The following NAP1L1 variants were observed in gnomAD, a reference collection of about 807,000 sequenced individuals.
The protein encoded by NAP1L1 is nucleosome assembly protein 1-like 1.
A neutral mutation model predicts 58.9 loss-of-function variants in NAP1L1; 9 were observed. The observed-to-expected ratio is 0.15, with a 90% CI of 0.09 to 0.27. The LOEUF (loss-of-function observed/expected upper bound fraction) is 0.27. NAP1L1 is among the 10% of genes least tolerant of loss of function. The pLI is 1.00. For missense variants in NAP1L1, 302 were observed against 458.8 expected (o/e 0.66, Z 3.12); for synonymous variants, 130 against 138.3 (o/e 0.94, Z 0.42).
At chr12:76,073,894 T>C in intron 2 of NAP1L1, 1 of 250,710 alleles carries the variant, frequency 4.0e-6, no homozygotes, top group Admixed American at 5.2e-5. Context: ...CAGTAAATCT[T>C]TGGGAAATAT....
chr12:76,048,151 G>T lies in NAP1L1; in HGVS notation c.*278C>A. 2.6e-6 allele frequency: 1 copy of T among 388,144 alleles called. No homozygotes were observed. The highest frequency in any genetic ancestry group is 4.6e-6 in the Non-Finnish European group (1 of 218,280). The allele number at this position is 388,144 out of a possible 1,614,324, so 24.0% of individuals were successfully genotyped here. ...TTAACAGTTGTTAATTTTCATAGCTGTACTCCAAGAGCTACATAAAAATAT... is the reference window on the plus strand; with the variant it reads ...TTAACAGTTGTTAATTTTCATAGCTTTACTCCAAGAGCTACATAAAAATAT... On this transcript the variant is annotated 3_prime_UTR_variant, in exon 15 of 15. Coordinates refer to ENST00000618691, the MANE Select transcript of NAP1L1 (RefSeq NM_004537.7).
chr12:76,067,525 CTTTT>C (rs1565736744), intron 3 of NAP1L1, 52 bp from the exon 4 acceptor site: 3 of 1,423,502 alleles, frequency 2.1e-6, no homozygotes, highest in Non-Finnish European at 2.9e-6. Context: ...ATGTATTATG[CTTTT>C]TTAATAGGAC....
At chr12:76,052,964 G>T in intron 11 of NAP1L1, 127 bp downstream of exon 11, 2 of 737,884 alleles carry the variant, frequency 2.7e-6, no homozygotes, top group Non-Finnish European at 2.1e-6. Context: ...TATCCAAAAA[G>T]TCTGCCCCAT....
At chr12:76,048,864 C>T (rs1295934175) in intron 14 of NAP1L1, 2 of 409,940 alleles carry the variant, frequency 4.9e-6, no homozygotes, top group African/African-American at 4.1e-5. Context: ...CTCCCCAGTT[C>T]CCGAACACTC....
chr12:76,064,833 C>T (rs1029786180), intron 4 of NAP1L1, among the ~76,000 whole-genome samples: 13 of 151,864 alleles, frequency 8.6e-5, no homozygotes, highest in African/African-American at 2.4e-4. Flanking sequence ...TGGACCTCTA[C>T]TTCCCCAACT....
chr12:76,073,651 A>G (rs1265137812), intron 2 of NAP1L1, among the ~76,000 whole-genome samples: 1 of 152,214 alleles, frequency 6.6e-6, no homozygotes, highest in Non-Finnish European at 1.5e-5. Flanking sequence ...CAGATTTTCA[A>G]AATTAAACAC....
intron 4 of NAP1L1, among the ~76,000 whole-genome samples, chr12:76,065,843 G>A (rs1949638049): frequency 6.6e-6 from 1 of 151,862 alleles, no homozygotes; most frequent in African/African-American, 2.4e-5. Context: ...ATGATTGGGG[G>A]AGAAGTATGA....
At position 76,056,136 on chromosome 12, in the gene NAP1L1, A is replaced by G. The variant is rs746028914; in HGVS notation, c.455T>C (p.Ile152Thr). ...TTCTTCATCTTTTTTCTCATCTTCA[A>G]TCTTGGCCTTTTCTTTCAATTCCTC... ...ISEELKEKAK[I>T]EDEKKDEEKE... Residue 152 changes from isoleucine to threonine, a missense_variant, in exon 7 of 15, where the codon ATT becomes ACT. By Grantham distance (89) the Ile-to-Thr change is moderately conservative. Coordinates refer to ENST00000618691, the MANE Select transcript of NAP1L1 (RefSeq NM_004537.7). 1.8e-4 allele frequency: 285 copies of G among 1,611,926 alleles called. No individual in the cohort carries two copies. The highest frequency in any genetic ancestry group is 2.3e-4 in the Non-Finnish European group (277 of 1,179,200).
rs1948610835 is a variant in NAP1L1 at position 76,046,501 on chromosome 12, C to T, written c.*1928G>A. 6.6e-6 allele frequency: 1 copy of T among 150,952 alleles called. No homozygotes were observed. The highest frequency in any genetic ancestry group is 2.4e-5 in the African/African-American group (1 of 41,048). 9.4% of individuals were successfully genotyped at this position (150,952 alleles called of 1,614,324 possible). ...ATGAACTATGGTTAAAAAAAAAAAG[C>T]ACATAGTGTCTAATCAAAGCAAAGG... On this transcript the variant is annotated 3_prime_UTR_variant, in exon 15 of 15. Coordinates refer to ENST00000618691, the MANE Select transcript of NAP1L1 (RefSeq NM_004537.7).
intron 4 of NAP1L1, among the ~76,000 whole-genome samples, chr12:76,062,555 T>G (rs1001113558): frequency 7.9e-5 from 12 of 152,110 alleles, no homozygotes; most frequent in Admixed American, 5.2e-4. Flanking sequence ...AAGATTGACA[T>G]GCAACAAGAC....
In NAP1L1 at chr12:76,048,162, G is replaced by A. The variant is rs747651053; in HGVS notation, c.*267C>T. ...TAATTTTCATAGCTGTACTCCAAGAGCTACATAAAAATATTCCAGAAGAAC... is the reference window on the plus strand; with the variant it reads ...TAATTTTCATAGCTGTACTCCAAGAACTACATAAAAATATTCCAGAAGAAC... On this transcript the variant is annotated 3_prime_UTR_variant, in exon 15 of 15. Transcript: ENST00000618691. The A allele has an allele frequency of 2.4e-5, 10 of 421,732 alleles. No individual in the cohort carries two copies. Among genetic ancestry groups the A allele is most frequent in the Non-Finnish European group, 3.8e-5 (9 of 238,616 alleles). 26.1% of individuals were successfully genotyped at this position (421,732 alleles called of 1,614,324 possible).
At chr12:76,055,996 CT>C in intron 7 of NAP1L1, 36 bp downstream of exon 7, 3 of 1,604,334 alleles carry the variant, frequency 1.9e-6, no homozygotes, top group Non-Finnish European at 2.6e-6. Flanking sequence ...AAGGTTTACC[CT>C]TCAAAGTAAA....
rs1393711391 is a variant in NAP1L1 at position 76,040,107 on chromosome 12, G to A, written c.*8322C>T. The A allele has an allele frequency of 2.0e-5, 3 of 152,068 alleles. No homozygotes were observed. The highest frequency in any genetic ancestry group is 7.2e-5 in the African/African-American group (3 of 41,418). The allele number at this position is 152,068 out of a possible 1,614,324, so 9.4% of individuals were successfully genotyped here. A position where few individuals can be genotyped will look rare whatever the true frequency, so the allele number is the denominator to read the frequency against. ...TTGTCCAGCTATAATTCAAGTAAAA[G>A]ATTCCAAAATGATGGGGAAAAGCAT... On this transcript the variant is annotated 3_prime_UTR_variant, in exon 15 of 15. Coordinates refer to ENST00000618691, the MANE Select transcript of NAP1L1 (RefSeq NM_004537.7).
intron 5 of NAP1L1, 104 bp from the exon 6 acceptor site, chr12:76,059,982 A>T: frequency 8.4e-7 from 1 of 1,185,842 alleles, no homozygotes; most frequent in Non-Finnish European, 1.2e-6. Flanking sequence ...AATGCATACC[A>T]CAACTTTAAC....
chr12:76,070,826 CTAGAT>C (rs1474101120), intron 2 of NAP1L1, among the ~76,000 whole-genome samples: 3 of 152,152 alleles, frequency 2.0e-5, no homozygotes, highest in African/African-American at 7.2e-5. Flanking sequence ...TAAATCACCT[CTAGAT>C]TACTTATAAT....
intron 1 of NAP1L1, among the ~76,000 whole-genome samples, chr12:76,075,871 A>G (rs1592697715): frequency 6.6e-6 from 1 of 152,074 alleles, no homozygotes; most frequent in South Asian, 2.1e-4. Flanking sequence ...AGCCTTAAAC[A>G]TGTCCATCTC....
intron 3 of NAP1L1, chr12:76,068,617 A>G: frequency 3.8e-6 from 1 of 260,892 alleles, no homozygotes; most frequent in Non-Finnish European, 7.2e-6. Flanking sequence ...TAACATTTCT[A>G]AATTCAGACA....
In NAP1L1 at chr12:76,041,138, G is replaced by A. The variant is rs530606564; in HGVS notation, c.*7291C>T. The A allele has an allele frequency of 2.4e-4, 37 of 152,302 alleles. No individual in the cohort carries two copies. The highest frequency in any genetic ancestry group is 8.4e-4 in the African/African-American group (35 of 41,568). The allele number at this position is 152,302 out of a possible 1,614,324, so 9.4% of individuals were successfully genotyped here. Reference sequence around the variant, plus strand: ...TATGACAACTACAAAAGACCTTAGAGACTGAACTACTGAGAATCAATCATT... The same window carrying A: ...TATGACAACTACAAAAGACCTTAGAAACTGAACTACTGAGAATCAATCATT... On this transcript the variant is annotated 3_prime_UTR_variant, in exon 15 of 15. Coordinates refer to ENST00000618691, the MANE Select transcript of NAP1L1 (RefSeq NM_004537.7).
chr12:76,076,310 C>T (rs1277877159), intron 1 of NAP1L1, among the ~76,000 whole-genome samples: 1 of 152,022 alleles, frequency 6.6e-6, no homozygotes, highest in African/African-American at 2.4e-5. Context: ...ATTAGTTTGA[C>T]CTATGGTCTG....
Sources: allele counts gnomAD v4.1 joint callset (sites outside exome capture counted in the v4.1 genomes callset), GRCh38; gene constraint gnomAD v4.1.1; transcripts MANE v1.5; gene names NCBI Gene and HGNC (gene_info 2026-07-23, HGNC 2026-07-21).